Variants in PSMC2 observed in about 807,000 individuals in gnomAD.
The protein encoded by PSMC2 is 26S proteasome regulatory subunit 7.
In PSMC2, 7 loss-of-function variants were observed where a neutral mutation model predicts 53.3. That is an observed-to-expected ratio of 0.13 (90% confidence interval 0.07 to 0.25). The LOEUF is 0.25. Among genes scored for constraint, PSMC2 ranks in the 10% least tolerant of loss-of-function variants. The pLI is 1.00. For synonymous variants in PSMC2, 169 were observed against 183.9 expected (o/e 0.92, Z 0.66); for missense variants, 241 against 544.0 (o/e 0.44, Z 5.54).
At chr7:103,360,177 A>T (rs1820299005) in intron 4 of PSMC2, among the ~76,000 whole-genome samples, 1 of 152,126 alleles carries the variant, frequency 6.6e-6, no homozygotes, top group African/African-American at 2.4e-5. Flanking sequence ...TATGAGCCAT[A>T]ATGTCATACA....
intron 6 of PSMC2, among the ~76,000 whole-genome samples, 177 bp from the exon 7 acceptor site, chr7:103,363,167 A>G (rs367936527): frequency 6.6e-6 from 1 of 152,288 alleles, no homozygotes; most frequent in East Asian, 1.9e-4. Flanking sequence ...TTCATTCATT[A>G]GTGTCATAAC....
rs1182603205 is a variant in PSMC2, at chr7:103,367,938, G to A, written c.1186G>A (p.Ala396Thr). The A allele has an allele frequency of 7.4e-6, 12 of 1,614,036 alleles. No individual in the cohort carries two copies. The highest frequency in any genetic ancestry group is 2.2e-5 in the East Asian group (1 of 44,878). The change falls in exon 12 of 12, where the codon GCC (alanine) becomes ACC (threonine). Residue 396 changes from alanine to threonine, a missense_variant. Physicochemically the swap from Ala to Thr is moderately conservative, Grantham distance 58. Around this residue, in one of 6 missense-constraint regions of PSMC2, gnomAD observed 60 missense variants for 115.8 expected, o/e 0.52. Coordinates refer to ENST00000292644, the MANE Select transcript of PSMC2 (RefSeq NM_002803.4). The surrounding 1 kb of genome is among the most constrained non-coding windows in gnomAD (Gnocchi z 6.1). ...CGTCTGCACAGAGGCTGGTATGTTTGCCATCAGAGCACGGCGAAAAATTGC... is the reference window on the plus strand; with the variant it reads ...CGTCTGCACAGAGGCTGGTATGTTTACCATCAGAGCACGGCGAAAAATTGC... ...RSVCTEAGMF[A>T]IRARRKIATE...
rs1819952177 is a variant in PSMC2 at position 103,355,022 on chromosome 7, A to T, written c.190+73A>T. ...AATAATATCAAGAGTTTAAATACAG[A>T]TTTTACTCCTTCATGATTACAGATT... On this transcript the variant is annotated intron_variant, in intron 3 of 11. Coordinates refer to ENST00000292644, the MANE Select transcript of PSMC2 (RefSeq NM_002803.4). The T allele has an allele frequency of 3.1e-6, 3 of 955,416 alleles. No individual in the cohort carries two copies. The South Asian group carries it at 4.3e-5, about 14-fold the overall frequency. 59.2% of individuals were successfully genotyped at this position (955,416 alleles called of 1,614,324 possible). A position where few individuals can be genotyped will look rare whatever the true frequency, so the allele number is the denominator to read the frequency against.
At chr7:103,366,916 T>C (rs1285668155) in intron 9 of PSMC2, among the ~76,000 whole-genome samples, 1 of 152,172 alleles carries the variant, frequency 6.6e-6, no homozygotes, top group South Asian at 2.1e-4. Context: ...GCAATTCTCA[T>C]GTCTCAGCCT....
In PSMC2 at chr7:103,367,313, G is replaced by A; in HGVS notation, c.845-100G>A. On this transcript the variant is annotated intron_variant, in intron 9 of 11. Coordinates refer to ENST00000292644, the MANE Select transcript of PSMC2 (RefSeq NM_002803.4). The surrounding 1 kb of genome is among the most constrained non-coding windows in gnomAD (Gnocchi z 6.1). ...TCAAAGTGGGATGTCACTTGTGCCTGAGGACATGATTTGAGCTGAGATTTT... is the reference window on the plus strand; with the variant it reads ...TCAAAGTGGGATGTCACTTGTGCCTAAGGACATGATTTGAGCTGAGATTTT... 1 of 1,084,942 alleles carries A rather than the reference G, an allele frequency of 9.2e-7. No homozygotes were observed. The highest frequency in any genetic ancestry group is 1.4e-6 in the Non-Finnish European group (1 of 723,626). 67.2% of individuals were successfully genotyped at this position (1,084,942 alleles called of 1,614,324 possible). A position where few individuals can be genotyped will look rare whatever the true frequency, so the allele number is the denominator to read the frequency against.
intron 8 of PSMC2, 73 bp downstream of exon 8, chr7:103,364,380 C>A: frequency 1.3e-6 from 2 of 1,535,732 alleles, no homozygotes; most frequent in Non-Finnish European, 1.8e-6. Flanking sequence ...AAAAATGGCA[C>A]TTCTGCATTG....
chr7:103,360,709 A>C (rs1330914305), intron 4 of PSMC2, among the ~76,000 whole-genome samples: 1 of 152,220 alleles, frequency 6.6e-6, no homozygotes, highest in Non-Finnish European at 1.5e-5. Context: ...TTTAGTAGAT[A>C]GATACTATAG....
At chr7:103,362,370 A>G in intron 5 of PSMC2, 1 of 1,339,518 alleles carries the variant, frequency 7.5e-7, no homozygotes, top group East Asian at 3.2e-5. Context: ...AGGTTGGGGG[A>G]GTACTTGCTT....
intron 4 of PSMC2, among the ~76,000 whole-genome samples, chr7:103,360,496 T>TG (rs971016291): frequency 3.9e-5 from 6 of 152,102 alleles, no homozygotes; most frequent in Admixed American, 2.0e-4. Flanking sequence ...TGGGCTCAAG[T>TG]GATCCTCCAG....
At chr7:103,349,681 C>G (rs956976100) in intron 1 of PSMC2, among the ~76,000 whole-genome samples, 1 of 152,158 alleles carries the variant, frequency 6.6e-6, no homozygotes, top group Non-Finnish European at 1.5e-5. Context: ...AACTCCTGAC[C>G]TCAGGTGATC....
At position 103,355,727 on chromosome 7, in the gene PSMC2, C is replaced by T; in HGVS notation, c.224C>T (p.Pro75Leu). The T allele has an allele frequency of 6.2e-7, 1 of 1,614,048 alleles. No individual in the cohort carries two copies. The highest frequency in any genetic ancestry group is 8.5e-7 in the Non-Finnish European group (1 of 1,179,982). Residue 75 changes from proline to leucine, a missense_variant, in exon 4 of 12, where the codon CCA becomes CTA. Around this residue, in one of 6 missense-constraint regions of PSMC2, gnomAD observed 75 missense variants for 185.1 expected, o/e 0.41. Coordinates refer to ENST00000292644, the MANE Select transcript of PSMC2 (RefSeq NM_002803.4). ...IKESDTGLAP[P>L]ALWDLAADKQ... ...GAATCTGACACTGGCCTGGCCCCAC[C>T]AGCACTCTGGGATTTGGCTGCAGAT... is the stretch of plus-strand genomic sequence containing the variant.
At chr7:103,361,315 C>T (rs190109564) in intron 4 of PSMC2, among the ~76,000 whole-genome samples, 3 of 145,536 alleles carry the variant, frequency 2.1e-5, no homozygotes, top group African/African-American at 5.1e-5. Context: ...GTTGGGAGTT[C>T]AAGAGAAACC....
At chr7:103,355,085 T>C in intron 3 of PSMC2, 136 bp downstream of exon 3, 1 of 671,074 alleles carries the variant, frequency 1.5e-6, no homozygotes. Flanking sequence ...GTTAAGAAAT[T>C]AGATCTCATT....
In PSMC2 at chr7:103,369,357, G is replaced by C. The variant is rs1351814355; in HGVS notation, c.*1303G>C. 1.3e-5 allele frequency: 2 copies of C among 152,134 alleles called. No individual in the cohort carries two copies. Among genetic ancestry groups the C allele is most frequent in the Non-Finnish European group, 2.9e-5 (2 of 68,014 alleles). The allele number at this position is 152,134 out of a possible 1,614,324, so 9.4% of individuals were successfully genotyped here. A position where few individuals can be genotyped will look rare whatever the true frequency, so the allele number is the denominator to read the frequency against. ...AAAATGACTGAAGATGTATGTTTTTGAATGTTTTGATTAAATAAATGTACA... is the reference window on the plus strand; with the variant it reads ...AAAATGACTGAAGATGTATGTTTTTCAATGTTTTGATTAAATAAATGTACA... On this transcript the variant is annotated 3_prime_UTR_variant, in exon 12 of 12. Transcript: ENST00000292644.
At chr7:103,349,771 A>G (rs1208601029) in intron 1 of PSMC2, among the ~76,000 whole-genome samples, 1 of 152,092 alleles carries the variant, frequency 6.6e-6, no homozygotes, top group African/African-American at 2.4e-5. Context: ...CTTTCAATTT[A>G]AGCTTTCCGA....
Position 103,353,829 on chromosome 7 carries a change from T to G in PSMC2, c.71-92T>G, listed in dbSNP as rs903435211. 5.4e-5 allele frequency: 59 copies of G among 1,093,996 alleles called. No individual in the cohort carries two copies. In the African/African-American group the frequency reaches 7.3e-4, roughly 14 times the overall value. The allele number at this position is 1,093,996 out of a possible 1,614,324, so 67.8% of individuals were successfully genotyped here. ...TTTTTGACACTCACTTAAAACAATT[T>G]GAATCGAACAGAAAAAAAGCTCTAG... is the stretch of plus-strand genomic sequence containing the variant. On this transcript the variant is annotated intron_variant, in intron 1 of 11. Transcript: ENST00000292644.
At position 103,367,637 on chromosome 7, in the gene PSMC2, A is replaced by AG. The variant is rs1347931219; in HGVS notation, c.1047+24dup. On this transcript the variant is annotated intron_variant, in intron 10 of 11. Coordinates refer to ENST00000292644, the MANE Select transcript of PSMC2 (RefSeq NM_002803.4). The surrounding 1 kb of genome is among the most constrained non-coding windows in gnomAD (Gnocchi z 6.1). ...AGAGGTAAGAAAACCATTTCATTTT[A>AG]GGAAAGGGATTTTTGAAGTTTTTTC... The AG allele has an allele frequency of 6.2e-7, 1 of 1,610,470 alleles. No homozygotes were observed. The highest frequency in any genetic ancestry group is 2.2e-5 in the East Asian group (1 of 44,856).
At chr7:103,355,058 C>A (rs924674944) in intron 3 of PSMC2, 109 bp downstream of exon 3, 17 of 737,558 alleles carry the variant, frequency 2.3e-5, no homozygotes, top group Non-Finnish European at 3.9e-5. Context: ...TAAAAAAAAT[C>A]ATTATTCTTC....
intron 4 of PSMC2, among the ~76,000 whole-genome samples, chr7:103,361,510 CAAAAA>C (rs759044767): frequency 7.4e-4 from 38 of 51,076 alleles, no homozygotes; most frequent in Non-Finnish European, 1.3e-3. Flanking sequence ...AACTCCATCT[CAAAAA>C]AAAAAAAAAA....
Sources: gnomAD v4.1 joint callset for allele counts (sites outside exome capture counted in the v4.1 genomes callset) on GRCh38, gnomAD v4.1.1 for gene constraint, gnomAD v4.1.1 regional missense constraint, Gnocchi (gnomAD v3.1) non-coding constraint, MANE v1.5 for transcripts, NCBI Gene and HGNC (gene_info 2026-07-23, HGNC 2026-07-21) for gene names.